Variants in CCDC7 observed in about 807,000 individuals in gnomAD.
CCDC7 encodes coiled-coil domain containing 7.
In CCDC7, 183 loss-of-function variants were observed where a neutral mutation model predicts 196.9. The observed-to-expected ratio is 0.93, with a 90% CI of 0.82 to 1.05. The LOEUF (loss-of-function observed/expected upper bound fraction) is 1.05, where lower values mean the gene tolerates loss of function less well. Among genes scored for constraint, CCDC7 ranks in the 50% least tolerant of loss-of-function variants. The pLI is 0.00. For missense variants in CCDC7, 1,540 were observed against 1,482.2 expected (o/e 1.04, Z -0.64); for synonymous variants, 525 against 484.6 (o/e 1.08, Z -1.10).
upstream of CCDC7, among the ~76,000 whole-genome samples, chr10:32,447,828 G>T (rs952026317): frequency 1.3e-5 from 2 of 152,090 alleles, no homozygotes; most frequent in African/African-American, 2.4e-5. Context: ...CTTGAACCTG[G>T]GAGGCAAAGT....
At chr10:32,752,669 G>T (rs968368345) in intron 28 of CCDC7, among the ~76,000 whole-genome samples, 2 of 152,032 alleles carry the variant, frequency 1.3e-5, no homozygotes, top group African/African-American at 4.8e-5. Context: ...TGAAAAGTTT[G>T]CTTCTCAATG....
At chr10:32,445,374 G>A (rs2490501), upstream of CCDC7, among the ~76,000 whole-genome samples, 1 of 152,174 alleles carries the variant, frequency 6.6e-6, no homozygotes, top group Non-Finnish European at 1.5e-5. Context: ...TAGATATAAT[G>A]AATTTTCAGA....
At chr10:32,473,599 A>G (rs1251489426) in intron 7 of CCDC7, among the ~76,000 whole-genome samples, 2 of 152,202 alleles carry the variant, frequency 1.3e-5, no homozygotes, top group African/African-American at 4.8e-5. Context: ...ATCAGTACCT[A>G]TATTCAGAGA....
intron 2 of CCDC7, among the ~76,000 whole-genome samples, 181 bp downstream of exon 3, chr10:32,453,617 T>G (rs2033645878): frequency 2.0e-5 from 3 of 152,176 alleles, no homozygotes; most frequent in South Asian, 4.1e-4. Context: ...CCTCTTGACC[T>G]GAATTTTGCC....
At chr10:32,866,971 C>A (rs541336271) in intron 41 of CCDC7, among the ~76,000 whole-genome samples, 152 of 151,598 alleles carry the variant, frequency 1.0e-3, no homozygotes, top group African/African-American at 3.5e-3. Context: ...AGATGTATAA[C>A]CTGAAAGTAA....
At chr10:32,443,755 T>C (rs2030464489), upstream of CCDC7, among the ~76,000 whole-genome samples, 1 of 152,244 alleles carries the variant, frequency 6.6e-6, no homozygotes, top group African/African-American at 2.4e-5. Context: ...GCTTATTTTT[T>C]TCAAGATTGT....
At chr10:32,535,677 T>G (rs2050360454) in intron 11 of CCDC7, among the ~76,000 whole-genome samples, 1 of 152,186 alleles carries the variant, frequency 6.6e-6, no homozygotes, top group Non-Finnish European at 1.5e-5. Context: ...TGGCTGCCCT[T>G]AGAAACAATA....
At chr10:32,659,588 A>G (rs1052307239) in intron 20 of CCDC7, among the ~76,000 whole-genome samples, 1 of 152,226 alleles carries the variant, frequency 6.6e-6, no homozygotes, top group Non-Finnish European at 1.5e-5. Flanking sequence ...TCTAATATCC[A>G]GCATCTATAC....
At chr10:32,703,572 A>T (rs2079139465) in intron 24 of CCDC7, among the ~76,000 whole-genome samples, 1 of 151,932 alleles carries the variant, frequency 6.6e-6, no homozygotes, top group East Asian at 1.9e-4. Flanking sequence ...GCCTTGCTAG[A>T]TTGGGGAAGT....
At chr10:32,454,329 G>T (rs1379885816) in intron 2 of CCDC7, among the ~76,000 whole-genome samples, 1 of 152,062 alleles carries the variant, frequency 6.6e-6, no homozygotes, top group Non-Finnish European at 1.5e-5. Context: ...ATGACCTTGT[G>T]GTTATTATGT....
chr10:32,488,444 A>T (rs1048064249), intron 8 of CCDC7, among the ~76,000 whole-genome samples: 1 of 152,150 alleles, frequency 6.6e-6, no homozygotes, highest in Non-Finnish European at 1.5e-5. Context: ...AGGTGAGGCA[A>T]TGCCTTGCTG....
intron 28 of CCDC7, among the ~76,000 whole-genome samples, chr10:32,739,501 A>G (rs959603999): frequency 6.6e-6 from 1 of 151,984 alleles, no homozygotes; most frequent in Admixed American, 6.6e-5. Flanking sequence ...CTTCCTGCTT[A>G]CATTATCTAT....
intron 28 of CCDC7, among the ~76,000 whole-genome samples, chr10:32,753,981 T>C (rs1401176866): frequency 6.6e-6 from 1 of 152,122 alleles, no homozygotes; most frequent in Non-Finnish European, 1.5e-5. Context: ...CTCTTACTAA[T>C]ATCCCAATAC....
intron 39 of CCDC7, among the ~76,000 whole-genome samples, chr10:32,850,405 C>A (rs946713708): frequency 6.6e-6 from 1 of 152,156 alleles, no homozygotes; most frequent in African/African-American, 2.4e-5. Context: ...GAGCAGCATG[C>A]GGGCAAGCCT....
chr10:32,488,158 A>G (rs146850879), intron 8 of CCDC7, among the ~76,000 whole-genome samples: 7,981 of 152,106 alleles, frequency 0.052, 693 homozygotes, highest in African/African-American at 0.18. Flanking sequence ...TGGCTGCTTT[A>G]TTTACCTATT....
intron 41 of CCDC7, among the ~76,000 whole-genome samples, chr10:32,859,521 G>A (rs1361359502): frequency 6.6e-6 from 1 of 152,094 alleles, no homozygotes; most frequent in Non-Finnish European, 1.5e-5. Flanking sequence ...AGAGAAGCAA[G>A]AGCGAACAAA....
At chr10:32,617,977 A>G (rs1183727258) in intron 18 of CCDC7, among the ~76,000 whole-genome samples, 1 of 151,942 alleles carries the variant, frequency 6.6e-6, no homozygotes, top group Non-Finnish European at 1.5e-5. Context: ...TCTCTTTATC[A>G]TTATATAATG....
chr10:32,740,446 G>T (rs569101732), intron 28 of CCDC7, among the ~76,000 whole-genome samples: 1 of 152,268 alleles, frequency 6.6e-6, no homozygotes, highest in South Asian at 2.1e-4. Flanking sequence ...ACCAAATATA[G>T]ATTAAAAATA....
chr10:32,653,063 T>G (rs992168662), intron 20 of CCDC7, among the ~76,000 whole-genome samples: 1 of 152,244 alleles, frequency 6.6e-6, no homozygotes, highest in Non-Finnish European at 1.5e-5. Context: ...AGGATAGCTT[T>G]GTTGAATACA....
Sources: gnomAD v4.1 joint callset for allele counts (sites outside exome capture counted in the v4.1 genomes callset) on GRCh38, gnomAD v4.1.1 for gene constraint, MANE v1.5 for transcripts, NCBI Gene and HGNC (gene_info 2026-07-23, HGNC 2026-07-21) for gene names.